The following C4orf36 variants were observed in gnomAD, a reference collection of about 807,000 sequenced individuals.
C4orf36 encodes chromosome 4 open reading frame 36.
C4orf36 carries 11 observed loss-of-function variants against 12.2 expected under a neutral mutation model. That is an observed-to-expected ratio of 0.90 (90% CI 0.57 to 1.49). The LOEUF is 1.49. C4orf36 is among the 40% of genes most tolerant of loss of function. The probability of loss-of-function intolerance (pLI) is 0.00; values close to 1 mark genes in which losing one functional copy is unlikely to be tolerated. For missense variants in C4orf36, 137 were observed against 133.9 expected (o/e 1.02, Z -0.11); for synonymous variants, 54 against 51.3 (o/e 1.05, Z -0.22).
the C4orf36 span, among the ~76,000 whole-genome samples, chr4:86,923,446 TA>T: frequency 6.6e-6 from 1 of 152,108 alleles, no homozygotes; most frequent in African/African-American, 2.4e-5. Context: ...CATGTTTTAT[TA>T]GTTAGTAACC....
chr4:86,905,218 C>CAA, the C4orf36 span, among the ~76,000 whole-genome samples: 117 of 123,258 alleles, frequency 9.5e-4, no homozygotes, highest in East Asian at 3.5e-3. Flanking sequence ...ACTAAAAATA[C>CAA]AAAAAAAAAA....
At chr4:86,897,124 G>T (rs1055121452), upstream of C4orf36, among the ~76,000 whole-genome samples, 5 of 152,164 alleles carry the variant, frequency 3.3e-5, no homozygotes, top group Admixed American at 2.6e-4. Flanking sequence ...ACTTTGGGGG[G>T]TCAAGGTGGG....
At chr4:86,880,318 C>T (rs551390202) in intron 4 of C4orf36, among the ~76,000 whole-genome samples, 5 of 152,178 alleles carry the variant, frequency 3.3e-5, no homozygotes, top group South Asian at 2.1e-4. Flanking sequence ...ACTAAAAATC[C>T]AAAATTAGCC....
the C4orf36 span, among the ~76,000 whole-genome samples, chr4:86,931,294 C>T: frequency 6.6e-6 from 1 of 152,180 alleles, no homozygotes; most frequent in South Asian, 2.1e-4. Context: ...CTTAACCTGG[C>T]TTAGACTAAT....
chr4:86,919,617 G>A, the C4orf36 span, among the ~76,000 whole-genome samples: 13 of 152,068 alleles, frequency 8.5e-5, no homozygotes, highest in African/African-American at 3.1e-4. Flanking sequence ...GAGCTACTGC[G>A]CCCGGCCCCA....
At chr4:86,884,005 A>T (rs1292757230) in intron 4 of C4orf36, among the ~76,000 whole-genome samples, 1 of 151,992 alleles carries the variant, frequency 6.6e-6, no homozygotes, top group Admixed American at 6.6e-5. Flanking sequence ...TGGGAAAAAA[A>T]AAATACCAGA....
At position 86,889,276 on chromosome 4, in the gene C4orf36, G is replaced by A. The variant is rs1056339894; in HGVS notation, c.66-1001C>T. Reference sequence around the variant, plus strand: ...GAGGTTCTGAACCCAGCTTGAACCCGAGAGGCGGAGGTTGCAGTGAGCTGA... The same window carrying A: ...GAGGTTCTGAACCCAGCTTGAACCCAAGAGGCGGAGGTTGCAGTGAGCTGA... On this transcript the variant is annotated intron_variant, in intron 2 of 4. Transcript: ENST00000295898. 6.6e-5 allele frequency among the ~76,000 whole-genome samples: 10 copies of A among 151,390 alleles called. No homozygotes were observed. The South Asian group carries it at 8.3e-4, about 13-fold the overall frequency.
the C4orf36 span, chr4:86,932,426 T>C: frequency 6.6e-6 from 1 of 152,090 alleles, no homozygotes. Context: ...ATGCAGTCAT[T>C]TGGAGGAACA....
At chr4:86,928,799 G>T in the C4orf36 span, among the ~76,000 whole-genome samples, 3 of 152,092 alleles carry the variant, frequency 2.0e-5, no homozygotes, top group African/African-American at 7.2e-5. Context: ...GGGACCTGTG[G>T]ATATTTAACT....
At position 86,891,456 on chromosome 4, in the gene C4orf36, A is replaced by G. The variant is rs1432507277; in HGVS notation, c.65T>C (p.Val22Ala). 1 of 1,613,440 alleles carries G rather than the reference A, an allele frequency of 6.2e-7. No homozygotes were observed. The highest frequency in any genetic ancestry group is 2.2e-5 in the East Asian group (1 of 44,868). ...KTILRGSCYN[V>A]QEPWDIALLA... ...TTTAAAAAAAAAAAATAGTACTTACACATTATAACAACTGCCCCGCAAAAT... is the reference window on the plus strand; with the variant it reads ...TTTAAAAAAAAAAAATAGTACTTACGCATTATAACAACTGCCCCGCAAAAT... Residue 22 changes from valine (V) to alanine (A), a missense_variant and splice_region_variant, in exon 2 of 5, where the codon GTA (valine) becomes GCA (alanine). Transcript: ENST00000295898.
intron 4 of C4orf36, among the ~76,000 whole-genome samples, chr4:86,878,974 CCATA>C (rs775516473): frequency 1.6e-4 from 24 of 152,186 alleles, no homozygotes; most frequent in Non-Finnish European, 1.2e-4. Flanking sequence ...TGGGAGGTCG[CCATA>C]CACTCTAGCC....
At chr4:86,876,659 T>C (rs952942884) in intron 4 of C4orf36, 21 of 1,612,780 alleles carry the variant, frequency 1.3e-5, no homozygotes, top group Non-Finnish European at 1.8e-5. Context: ...GGTATTTACA[T>C]ACACAGTGTA....
At chr4:86,879,405 A>C (rs1411735073) in intron 4 of C4orf36, among the ~76,000 whole-genome samples, 1 of 152,246 alleles carries the variant, frequency 6.6e-6, no homozygotes, top group Non-Finnish European at 1.5e-5. Context: ...GAATTTTAAA[A>C]TTCACTAGAG....
the C4orf36 span, among the ~76,000 whole-genome samples, chr4:86,908,448 G>A: frequency 1.0e-5 from 1 of 98,346 alleles, no homozygotes; most frequent in Admixed American, 1.6e-4. Context: ...TATTTCAACA[G>A]TGTCTTTTTT....
intron 1 of C4orf36, among the ~76,000 whole-genome samples, chr4:86,891,849 T>C (rs1747429373): frequency 6.6e-6 from 1 of 152,214 alleles, no homozygotes; most frequent in Non-Finnish European, 1.5e-5. Context: ...TGCCCTTGCC[T>C]GAGCCTGCCA....
the C4orf36 span, chr4:86,932,302 G>A: frequency 8.1e-5 from 12 of 147,470 alleles, no homozygotes; most frequent in African/African-American, 3.0e-4. Context: ...AGCTGAGATG[G>A]TGCCATTGTA....
At chr4:86,928,329 G>A in the C4orf36 span, among the ~76,000 whole-genome samples, 2 of 152,212 alleles carry the variant, frequency 1.3e-5, no homozygotes, top group African/African-American at 2.4e-5. Flanking sequence ...CTGGGGCTAT[G>A]GGGGAGGTGC....
At chr4:86,910,500 G>T in the C4orf36 span, among the ~76,000 whole-genome samples, 1 of 152,136 alleles carries the variant, frequency 6.6e-6, no homozygotes, top group Non-Finnish European at 1.5e-5. Context: ...AAAGAAGGAA[G>T]ACCTAGGGAA....
chr4:86,914,782 G>A, the C4orf36 span: 5 of 452,448 alleles, frequency 1.1e-5, no homozygotes, highest in Admixed American at 9.3e-5. Context: ...GGCACGATAG[G>A]TGATTGGCTC....
Sources: allele counts gnomAD v4.1 joint callset (sites outside exome capture counted in the v4.1 genomes callset), GRCh38; gene constraint gnomAD v4.1.1; transcripts MANE v1.5; gene names NCBI Gene and HGNC (gene_info 2026-07-23, HGNC 2026-07-21).